ATAD3C: variants seen among roughly 807,000 people sequenced by gnomAD.
ATAD3C encodes the protein ATPase family AAA domain-containing protein 3C.
In ATAD3C, 38 loss-of-function variants were observed where a neutral mutation model predicts 46.3. That is an observed-to-expected ratio of 0.82 (90% CI 0.63 to 1.08). The LOEUF (loss-of-function observed/expected upper bound fraction) is 1.08, where lower values mean the gene tolerates loss of function less well. Among genes scored for constraint, ATAD3C ranks in the 50% least tolerant of loss-of-function variants. The probability of loss-of-function intolerance (pLI) is 0.00; values close to 1 mark genes in which losing one functional copy is unlikely to be tolerated. For synonymous variants in ATAD3C, 220 were observed against 236.4 expected, an observed-to-expected ratio of 0.93 and a Z score of 0.63; for missense variants, 563 against 572.7, an observed-to-expected ratio of 0.98 and a Z score of 0.17.
In ATAD3C at chr1:1,459,104, G is replaced by C. The variant is rs1045970686; in HGVS notation, c.742-57G>C. ...AGGGAGGCCTGTGGGACTTTCTGCT[G>C]TGGCTGTTTACAAGGCTTTGCTCCT... On this transcript the variant is annotated intron_variant, in intron 8 of 11. Coordinates refer to ENST00000378785, the MANE Select transcript of ATAD3C (RefSeq NM_001039211.3). This position sits in a 1 kb window ranked among gnomAD's most constrained non-coding sequence, Gnocchi z 4.9. 39 of 1,556,090 alleles carry C rather than the reference G, an allele frequency of 2.5e-5. No homozygotes were observed. In the Admixed American group the frequency reaches 3.6e-4, roughly 15 times the overall value.
In ATAD3C at chr1:1,459,464, G is replaced by T. The variant is rs1224772262; in HGVS notation, c.812+233G>T. 1.3e-5 allele frequency among the ~76,000 whole-genome samples: 2 copies of T among 151,870 alleles called. No homozygotes were observed. The highest frequency in any genetic ancestry group is 4.8e-5 in the African/African-American group (2 of 41,276). On this transcript the variant is annotated intron_variant, in intron 9 of 11. Coordinates refer to ENST00000378785, the MANE Select transcript of ATAD3C (RefSeq NM_001039211.3). This position sits in a 1 kb window ranked among gnomAD's most constrained non-coding sequence, Gnocchi z 4.9. ...GAGCTGGGGTCAGTCCTGTCCTCAC[G>T]GCCCTGTGCACCGCCGCCCCAGCTT...
chr1:1,462,102 C>A lies in ATAD3C; in HGVS notation c.981-498C>A, dbSNP rs1327873505. 1.3e-5 allele frequency among the ~76,000 whole-genome samples: 2 copies of A among 152,070 alleles called. No individual in the cohort carries two copies. ...AAATCCCTGCTGTCGCCAGTGACGA[C>A]AAAAGCTGCTCTGTTCCAAAGAGAG... On this transcript the variant is annotated intron_variant, in intron 10 of 11. Transcript: ENST00000378785. The surrounding 1 kb of genome is among the most constrained non-coding windows in gnomAD (Gnocchi z 4.5).
At position 1,462,516 on chromosome 1, in the gene ATAD3C, C is replaced by T. The variant is rs758912229; in HGVS notation, c.981-84C>T. The T allele has an allele frequency of 6.4e-4, 874 of 1,370,206 alleles. 13 individuals are homozygous for T. The highest frequency in any genetic ancestry group is 1.3e-4 in the African/African-American group (9 of 69,286). 84.9% of individuals were successfully genotyped at this position (1,370,206 alleles called of 1,614,324 possible). On this transcript the variant is annotated intron_variant, in intron 10 of 11. Coordinates refer to ENST00000378785, the MANE Select transcript of ATAD3C (RefSeq NM_001039211.3). The surrounding 1 kb of genome is among the most constrained non-coding windows in gnomAD (Gnocchi z 4.5). The stretch of plus-strand genomic sequence containing the variant: ...CAAGGGGGCATCTGGCATGGGTGTC[C>T]GCCTGGCTGCCTGTCTTCCGGCCTC...
intron 3 of ATAD3C, 126 bp from the exon 4 acceptor site, chr1:1,454,219 G>C (rs552802738): frequency 1.4e-6 from 2 of 1,426,816 alleles, no homozygotes; most frequent in South Asian, 1.5e-5. Context: ...GGTTCCTGTG[G>C]GGCCAGCACA....
chr1:1,468,160 G>A (rs1249717065), intron 11 of ATAD3C, among the ~76,000 whole-genome samples: 5 of 152,124 alleles, frequency 3.3e-5, no homozygotes, highest in Non-Finnish European at 5.9e-5. Context: ...AAGTCATTGA[G>A]CAACATTGGT....
intron 11 of ATAD3C, among the ~76,000 whole-genome samples, chr1:1,467,400 C>A (rs754904351): frequency 1.3e-5 from 2 of 151,962 alleles, no homozygotes; most frequent in Non-Finnish European, 2.9e-5. Flanking sequence ...GTGTCTCCTG[C>A]GCTCCCGGGC....
At chr1:1,451,353 T>C (rs1043375014) in intron 1 of ATAD3C, among the ~76,000 whole-genome samples, 1 of 150,244 alleles carries the variant, frequency 6.7e-6, no homozygotes, top group East Asian at 2.0e-4. Context: ...ATTTTTTAAT[T>C]TTATTTATTT....
At chr1:1,457,243 C>T in intron 8 of ATAD3C, 63 bp downstream of exon 8, 1 of 1,607,056 alleles carries the variant, frequency 6.2e-7, no homozygotes. Flanking sequence ...GGCTGTCATC[C>T]TGGGCCAGGC....
chr1:1,455,833 A>G lies in ATAD3C; in HGVS notation c.481A>G (p.Arg161Gly). Residue 161 changes from arginine to glycine, a missense_variant, in exon 6 of 12, where the codon AGG becomes GGG. By Grantham distance (125) the Arg-to-Gly change is moderately radical. Around this residue, in one of 3 missense-constraint regions of ATAD3C, gnomAD observed 263 missense variants for 243.1 expected, o/e 1.08. Transcript: ENST00000378785. ...GGTGCGCGACATCGCCATAATGACA[A>G]GGAACATCAAGAAGAACCGGGGCCT... ...ARVRDIAIMTRNIKKNRGLYR... is the reference protein window; with the variant it reads ...ARVRDIAIMTGNIKKNRGLYR... 6.2e-7 allele frequency: 1 copy of G among 1,613,524 alleles called. No individual in the cohort carries two copies. The highest frequency in any genetic ancestry group is 1.1e-5 in the South Asian group (1 of 91,012).
Position 1,452,432 on chromosome 1 carries a change from A to G in ATAD3C, c.220A>G (p.Thr74Ala). 6.2e-7 allele frequency: 1 copy of G among 1,613,750 alleles called. No homozygotes were observed. Among genetic ancestry groups the G allele is most frequent in the Non-Finnish European group, 8.5e-7 (1 of 1,179,736 alleles). ...GACAGACCGGGACAAAGTGACAGCC[A>G]CGGTAAACATACTCATAAAACAGGG... The part of the protein sequence containing the change: ...FVTDRDKVTA[T>A]VAGLTLLAVG... The change falls in exon 3 of 12, where the codon ACG (threonine) becomes GCG (alanine). Residue 74 changes from threonine to alanine, a missense_variant and splice_region_variant. Thr to Ala is a moderately conservative substitution (Grantham distance 58). This residue lies in a region of ATAD3C where 263 missense variants were observed against 243.1 expected (regional missense o/e 1.08). Transcript: ENST00000378785.
At chr1:1,450,873 G>A (rs1232463588) in intron 1 of ATAD3C, 115 bp downstream of exon 1, 1 of 1,468,420 alleles carries the variant, frequency 6.8e-7, no homozygotes, top group Non-Finnish European at 9.3e-7. Context: ...GGCAGCAGTG[G>A]GGCCCAGGGC....
At chr1:1,458,229 C>CT (rs1246331083) in intron 8 of ATAD3C, among the ~76,000 whole-genome samples, 1 of 151,910 alleles carries the variant, frequency 6.6e-6, no homozygotes, top group Non-Finnish European at 1.5e-5. Context: ...AATCTGCCCG[C>CT]TGCTGCCTCC....
rs1411996634 is a variant in ATAD3C at position 1,468,793 on chromosome 1, C to A, written c.*263C>A. 2 of 595,940 alleles carry A rather than the reference C, an allele frequency of 3.4e-6. No homozygotes were observed. Among genetic ancestry groups the A allele is most frequent in the Non-Finnish European group, 2.8e-6 (1 of 363,196 alleles). 36.9% of individuals were successfully genotyped at this position (595,940 alleles called of 1,614,324 possible). On this transcript the variant is annotated 3_prime_UTR_variant, in exon 12 of 12. Coordinates refer to ENST00000378785, the MANE Select transcript of ATAD3C (RefSeq NM_001039211.3). The stretch of plus-strand genomic sequence containing the variant: ...GCTTCACAGGAGGTGGCTGCCACGG[C>A]GGGGCCGGGTGCCCGTGCCCCATCC...
In ATAD3C at chr1:1,449,881, T is replaced by C. The variant is rs1289107808; in HGVS notation, c.-803T>C. On this transcript the variant is annotated 5_prime_UTR_variant, in exon 1 of 12. Coordinates refer to ENST00000378785, the MANE Select transcript of ATAD3C (RefSeq NM_001039211.3). ...TCACCCAAACATTGACCTGTGTCGG[T>C]TCCCCACTAGGAACAAAATGTAACT... The C allele has an allele frequency of 6.6e-6, 1 of 152,016 alleles. No individual in the cohort carries two copies. Among genetic ancestry groups the C allele is most frequent in the African/African-American group, 2.4e-5 (1 of 41,440 alleles). 9.4% of individuals were successfully genotyped at this position (152,016 alleles called of 1,614,324 possible).
chr1:1,457,980 T>G (rs1638995866), intron 8 of ATAD3C, among the ~76,000 whole-genome samples: 1 of 151,622 alleles, frequency 6.6e-6, no homozygotes, highest in Non-Finnish European at 1.5e-5. Context: ...CCGGTCTATT[T>G]TTATTTTTAT....
chr1:1,452,433 C>A lies in ATAD3C; in HGVS notation c.221C>A (p.Thr74Lys), dbSNP rs377228484. The A allele has an allele frequency of 9.9e-6, 16 of 1,613,684 alleles. No homozygotes were observed. Among genetic ancestry groups the A allele is most frequent in the Non-Finnish European group, 1.4e-5 (16 of 1,179,742 alleles). ...FVTDRDKVTA[T>K]VAGLTLLAVG... ...ACAGACCGGGACAAAGTGACAGCCA[C>A]GGTAAACATACTCATAAAACAGGGC... The change falls in exon 3 of 12, where the codon ACG (threonine) becomes AAG (lysine). Residue 74 changes from threonine (T) to lysine (K), a missense_variant and splice_region_variant. Thr to Lys is a moderately conservative substitution (Grantham distance 78). Transcript: ENST00000378785.
At position 1,455,820 on chromosome 1, in the gene ATAD3C, C is replaced by T. The variant is rs777523951; in HGVS notation, c.468C>T (p.Ile156=). ...GCCTGGAAGCACGGGTGCGCGACAT[C>T]GCCATAATGACAAGGAACATCAAGA... The part of the protein sequence containing the change: ...SPSLEARVRD[I]AIMTRNIKKN... Residue 156 remains isoleucine, a synonymous_variant, in exon 6 of 12, where the codon ATC becomes ATT. Transcript: ENST00000378785. 1.5e-5 allele frequency: 24 copies of T among 1,613,364 alleles called. No homozygotes were observed. Among genetic ancestry groups the T allele is most frequent in the African/African-American group, 6.7e-5 (5 of 74,902 alleles).
At chr1:1,465,615 G>A (rs1411602501) in intron 11 of ATAD3C, among the ~76,000 whole-genome samples, 40 of 137,244 alleles carry the variant, frequency 2.9e-4, no homozygotes, top group Admixed American at 1.2e-3. Flanking sequence ...AAAAAAAAAA[G>A]ATTATTCATT....
At position 1,462,451 on chromosome 1, in the gene ATAD3C, A is replaced by C; in HGVS notation, c.981-149A>C. 1.2e-6 allele frequency: 1 copy of C among 826,676 alleles called. No homozygotes were observed. The highest frequency in any genetic ancestry group is 1.7e-5 in the African/African-American group (1 of 58,864). 51.2% of individuals were successfully genotyped at this position (826,676 alleles called of 1,614,324 possible). A position where few individuals can be genotyped will look rare whatever the true frequency, so the allele number is the denominator to read the frequency against. On this transcript the variant is annotated intron_variant, in intron 10 of 11. Coordinates refer to ENST00000378785, the MANE Select transcript of ATAD3C (RefSeq NM_001039211.3). The surrounding 1 kb of genome is among the most constrained non-coding windows in gnomAD (Gnocchi z 4.5). The stretch of plus-strand genomic sequence containing the variant: ...AGCCCAGGCCTGGCTTGCGTCAGGA[A>C]GGGGGCGGAACTTGGCTGTCACAGG...
Sources: gnomAD v4.1 joint callset for allele counts (sites outside exome capture counted in the v4.1 genomes callset) on GRCh38, gnomAD v4.1.1 for gene constraint, gnomAD v4.1.1 regional missense constraint, Gnocchi (gnomAD v3.1) non-coding constraint, MANE v1.5 for transcripts, NCBI Gene and HGNC (gene_info 2026-07-23, HGNC 2026-07-21) for gene names.